Variants in VPS50 observed in about 807,000 individuals in gnomAD.
The protein encoded by VPS50 is VPS50 subunit of EARP/GARPII complex, also known as syndetin.
In VPS50, 70 loss-of-function variants were observed where a neutral mutation model predicts 139.7. The ratio of observed to expected loss-of-function variants is 0.50; its 90% CI spans 0.41 to 0.61. VPS50 has a LOEUF of 0.61. Among genes scored for constraint, VPS50 ranks in the 20% least tolerant of loss-of-function variants. The pLI is 0.00. For missense variants in VPS50, 921 were observed against 1,133.7 expected (o/e 0.81, Z 2.69); for synonymous variants, 365 against 376.7 (o/e 0.97, Z 0.36).
At chr7:93,325,753 TC>T (rs1216038671) in intron 21 of VPS50, among the ~76,000 whole-genome samples, 1 of 151,284 alleles carries the variant, frequency 6.6e-6, no homozygotes, top group Non-Finnish European at 1.5e-5. Flanking sequence ...TGAGATACCA[TC>T]TCACACCAGT....
intron 2 of VPS50, among the ~76,000 whole-genome samples, chr7:93,245,111 G>A (rs572505200): frequency 1.3e-5 from 2 of 151,918 alleles, no homozygotes; most frequent in South Asian, 2.1e-4. Flanking sequence ...GCACAACAGA[G>A]TTCAGCTAGG....
At chr7:93,313,735 T>G (rs1293112070) in intron 20 of VPS50, among the ~76,000 whole-genome samples, 1 of 144,182 alleles carries the variant, frequency 6.9e-6, no homozygotes. Context: ...TTGTAGGAAC[T>G]GAGAAAAGCC....
intron 25 of VPS50, among the ~76,000 whole-genome samples, chr7:93,351,360 CTTCT>C (rs1798552490): frequency 6.6e-6 from 1 of 151,990 alleles, no homozygotes; most frequent in Admixed American, 6.6e-5. Context: ...AATGATACCC[CTTCT>C]TTTTTTTTTA....
Position 93,282,388 on chromosome 7 carries a change from A to T in VPS50, c.942+6083A>T, listed in dbSNP as rs116426308. On this transcript the variant is annotated intron_variant, in intron 12 of 27. Transcript: ENST00000305866. Reference sequence around the variant, plus strand: ...GAACAGCACTGTAGTAAATATTCTTAAAGCTAAATCTTTGTGTACATCTTT... The same window carrying T: ...GAACAGCACTGTAGTAAATATTCTTTAAGCTAAATCTTTGTGTACATCTTT... Among the ~76,000 whole-genome samples, 728 of 152,314 alleles carry T rather than the reference A, an allele frequency of 4.8e-3. 6 individuals carry two copies. The highest frequency in any genetic ancestry group is 0.015 in the African/African-American group (615 of 41,572).
chr7:93,337,218 A>G (rs576007814), intron 22 of VPS50, among the ~76,000 whole-genome samples: 1 of 152,332 alleles, frequency 6.6e-6, no homozygotes, highest in South Asian at 2.1e-4. Context: ...GGAACAAAGG[A>G]AGGTATTTTA....
At chr7:93,354,845 A>G (rs916466056) in intron 26 of VPS50, among the ~76,000 whole-genome samples, 13 of 152,168 alleles carry the variant, frequency 8.5e-5, no homozygotes, top group Admixed American at 4.6e-4. Context: ...GACCCTGTAC[A>G]GTGCTCTAGA....
chr7:93,266,351 G>A (rs2116865850), intron 9 of VPS50, among the ~76,000 whole-genome samples: 1 of 152,274 alleles, frequency 6.6e-6, no homozygotes, highest in Non-Finnish European at 1.5e-5. Flanking sequence ...AGATATTAAA[G>A]GACTTGACTT....
chr7:93,341,488 C>T lies in VPS50; in HGVS notation c.2120C>T (p.Pro707Leu). 1 of 1,612,158 alleles carries T rather than the reference C, an allele frequency of 6.2e-7. No individual in the cohort carries two copies. ...TAAEERKEKV[P>L]SPHLSHLVVL... The stretch of plus-strand genomic sequence containing the variant: ...GCAGAAGAAAGAAAGGAGAAGGTGC[C>T]AAGTCCACACCTCAGTCACCTAGTG... The change falls in exon 23 of 28, where the codon CCA becomes CTA. Residue 707 changes from proline to leucine, a missense_variant. By Grantham distance (98) the Pro-to-Leu change is moderately conservative. Around this residue, in one of 3 missense-constraint regions of VPS50, gnomAD observed 744 missense variants for 930.6 expected, o/e 0.80. Coordinates refer to ENST00000305866, the MANE Select transcript of VPS50 (RefSeq NM_017667.4).
At chr7:93,236,974 A>T (rs1449910068) in intron 1 of VPS50, among the ~76,000 whole-genome samples, 1 of 96,390 alleles carries the variant, frequency 1.0e-5, no homozygotes, top group Non-Finnish European at 1.9e-5. Flanking sequence ...TTTTTTCGAG[A>T]CAGTCTCACT....
At chr7:93,343,501 C>T (rs1417942838) in intron 23 of VPS50, among the ~76,000 whole-genome samples, 10 of 152,028 alleles carry the variant, frequency 6.6e-5, no homozygotes, top group Admixed American at 2.0e-4. Context: ...AGATACTCCT[C>T]GAGAAGAGCA....
chr7:93,260,761 T>C (rs1703113175), intron 9 of VPS50, among the ~76,000 whole-genome samples: 1 of 152,104 alleles, frequency 6.6e-6, no homozygotes. Context: ...AGTGGCGTGA[T>C]CTTGGCTCAC....
chr7:93,305,972 G>A lies in VPS50; in HGVS notation c.1597G>A (p.Glu533Lys). 2 of 1,612,310 alleles carry A rather than the reference G, an allele frequency of 1.2e-6. No individual in the cohort carries two copies. Among genetic ancestry groups the A allele is most frequent in the Non-Finnish European group, 1.7e-6 (2 of 1,178,628 alleles). Residue 533 changes from glutamate (E) to lysine (K), a missense_variant, in exon 18 of 28, where the codon GAA becomes AAA. Glu to Lys is a moderately conservative substitution (Grantham distance 56). Transcript: ENST00000305866. ...TGAAATTCAGGCCAACCACAAAGAT[G>A]AAGAAACAGAAGATGTCTTAGCTTC... ...PFEIQANHKD[E>K]ETEDVLASNG...
chr7:93,352,193 G>A (rs1798581977), intron 25 of VPS50, among the ~76,000 whole-genome samples: 1 of 152,026 alleles, frequency 6.6e-6, no homozygotes, highest in African/African-American at 2.4e-5. Context: ...ATAAAATATT[G>A]ATGAAAAATA....
Position 93,305,862 on chromosome 7 carries a change from C to G in VPS50, c.1487C>G (p.Ser496Ter). 1 of 1,612,584 alleles carries G rather than the reference C, an allele frequency of 6.2e-7. No individual in the cohort carries two copies. Among genetic ancestry groups the G allele is most frequent in the Non-Finnish European group, 8.5e-7 (1 of 1,178,794 alleles). Reference sequence around the variant, plus strand: ...TTCATGGAACAGTCTCGCTCCCCATCAGTTTCACCTAGTAAACAGCCAGTC... The same window carrying G: ...TTCATGGAACAGTCTCGCTCCCCATGAGTTTCACCTAGTAAACAGCCAGTC... Reference protein sequence around the residue: ...FKFMEQSRSPSVSPSKQPVST... With the variant: ...FKFMEQSRSP The change falls in exon 18 of 28, where the codon TCA becomes TGA. Residue 496 changes from serine to a stop codon, truncating the protein, a stop_gained. Coordinates refer to ENST00000305866, the MANE Select transcript of VPS50 (RefSeq NM_017667.4). LOFTEE classifies it high-confidence loss of function.
Position 93,358,498 on chromosome 7 carries a change from C to T in VPS50, c.*62C>T. The T allele has an allele frequency of 6.9e-7, 1 of 1,456,018 alleles. No individual in the cohort carries two copies. Among genetic ancestry groups the T allele is most frequent in the African/African-American group, 1.4e-5 (1 of 70,774 alleles). The allele number at this position is 1,456,018 out of a possible 1,614,324, so 90.2% of individuals were successfully genotyped here. A position where few individuals can be genotyped will look rare whatever the true frequency, so the allele number is the denominator to read the frequency against. ...CACTCAACATATATGACCTGAAAGC[C>T]AGTTTTTTTATGCACTTCTGACAAC... On this transcript the variant is annotated 3_prime_UTR_variant, in exon 28 of 28. Coordinates refer to ENST00000305866, the MANE Select transcript of VPS50 (RefSeq NM_017667.4).
intron 26 of VPS50, among the ~76,000 whole-genome samples, chr7:93,353,997 A>G (rs1798628383): frequency 6.6e-6 from 1 of 152,192 alleles, no homozygotes; most frequent in African/African-American, 2.4e-5. Flanking sequence ...GCAGAATCTA[A>G]TGGTTATCTG....
At chr7:93,327,092 G>T (rs1797803892) in intron 21 of VPS50, among the ~76,000 whole-genome samples, 1 of 152,162 alleles carries the variant, frequency 6.6e-6, no homozygotes, top group African/African-American at 2.4e-5. Flanking sequence ...TTTTAGTCTT[G>T]TAGGTGAGCC....
chr7:93,296,875 C>T (rs1279231657), intron 15 of VPS50, 39 bp downstream of exon 15: 2 of 1,548,566 alleles, frequency 1.3e-6, no homozygotes, highest in Non-Finnish European at 1.7e-6. Context: ...TAGTTTGAGT[C>T]ATTCAACCAT....
At chr7:93,350,098 A>C in intron 25 of VPS50, 65 bp downstream of exon 25, 1 of 1,127,426 alleles carries the variant, frequency 8.9e-7, no homozygotes, top group Non-Finnish European at 1.3e-6. Context: ...CCTTTATTGC[A>C]GTGGCTCTAA....
Sources: allele counts gnomAD v4.1 joint callset (sites outside exome capture counted in the v4.1 genomes callset), GRCh38; gene constraint gnomAD v4.1.1; regional missense constraint gnomAD v4.1.1; transcripts MANE v1.5; gene names NCBI Gene and HGNC (gene_info 2026-07-23, HGNC 2026-07-21).